The following PLEKHA5 variants were observed in gnomAD, a reference collection of about 807,000 sequenced individuals.
The protein encoded by PLEKHA5 is pleckstrin homology domain-containing family A member 5.
Under a neutral mutation model 181.9 loss-of-function variants are expected in PLEKHA5, and 55 were observed. That is an observed-to-expected ratio of 0.30 (90% CI 0.24 to 0.38). PLEKHA5 has a LOEUF of 0.38. PLEKHA5 is among the 10% of genes least tolerant of loss of function. PLEKHA5 has a pLI of 1.00. For missense variants in PLEKHA5, 1,432 were observed against 1,549.5 expected, an observed-to-expected ratio of 0.92 and a Z score of 1.27; for synonymous variants, 535 against 529.4, an observed-to-expected ratio of 1.01 and a Z score of -0.15.
chr12:19,255,161 G>A lies in PLEKHA5; in HGVS notation c.428G>A (p.Gly143Asp). ...DYAVHPMSPVGRTSRASKKVH... is the reference protein window; with the variant it reads ...DYAVHPMSPVDRTSRASKKVH... The stretch of plus-strand genomic sequence containing the variant: ...GCAGTGCATCCAATGAGCCCTGTAG[G>A]CAGAGTAAGTTATTTTGCTTTATAT... The change falls in exon 5 of 32, where the codon GGC becomes GAC. Residue 143 changes from glycine to aspartate, a missense_variant. Gly to Asp is a moderately conservative substitution (Grantham distance 94, BLOSUM62 -1). Around this residue, in one of 2 missense-constraint regions of PLEKHA5, gnomAD observed 289 missense variants for 381.1 expected, o/e 0.76. Coordinates refer to ENST00000429027, the MANE Select transcript of PLEKHA5 (RefSeq NM_001256470.2). 6.3e-7 allele frequency: 1 copy of A among 1,577,786 alleles called. No individual in the cohort carries two copies.
intron 10 of PLEKHA5, among the ~76,000 whole-genome samples, chr12:19,272,668 T>C (rs550264295): frequency 6.9e-4 from 105 of 152,218 alleles, no homozygotes; most frequent in Middle Eastern, 6.8e-3. Context: ...GCCCAGAAAG[T>C]TGAGGTTGCA....
chr12:19,277,622 A>G (rs879840588), intron 11 of PLEKHA5, among the ~76,000 whole-genome samples: 1 of 152,194 alleles, frequency 6.6e-6, no homozygotes, highest in Non-Finnish European at 1.5e-5. Flanking sequence ...ATAAGAAAAT[A>G]TCATCTACAT....
At chr12:19,155,500 G>A (rs1365209789) in intron 3 of PLEKHA5, among the ~76,000 whole-genome samples, 1 of 152,158 alleles carries the variant, frequency 6.6e-6, no homozygotes, top group African/African-American at 2.4e-5. Flanking sequence ...TTGAGGACCT[G>A]TGAATTTTTA....
chr12:19,291,636 C>G lies in PLEKHA5; in HGVS notation c.1984-8C>G. The G allele has an allele frequency of 6.7e-7, 1 of 1,488,048 alleles. No individual in the cohort carries two copies. Among genetic ancestry groups the G allele is most frequent in the Non-Finnish European group, 9.0e-7 (1 of 1,106,124 alleles). The allele number at this position is 1,488,048 out of a possible 1,614,324, so 92.2% of individuals were successfully genotyped here. ...TCTGTCCCTTTTTTCTTAATTGGTG[C>G]CTACTAGAATGAAATTCTTTCACAT... On this transcript the variant is annotated splice_region_variant and splice_polypyrimidine_tract_variant and intron_variant, in intron 14 of 31. Transcript: ENST00000429027.
chr12:19,155,236 C>T (rs1407056316), intron 3 of PLEKHA5, among the ~76,000 whole-genome samples: 1 of 152,154 alleles, frequency 6.6e-6, no homozygotes, highest in Non-Finnish European at 1.5e-5. Context: ...TTTATAATAT[C>T]AACTGCTTTA....
chr12:19,304,323 T>A (rs2082510505), intron 15 of PLEKHA5, among the ~76,000 whole-genome samples: 1 of 152,194 alleles, frequency 6.6e-6, no homozygotes, highest in African/African-American at 2.4e-5. Context: ...GAGAATCGAT[T>A]GAACCAGGGA....
At chr12:19,215,487 G>A (rs1255816243) in intron 3 of PLEKHA5, among the ~76,000 whole-genome samples, 2 of 152,096 alleles carry the variant, frequency 1.3e-5, no homozygotes, top group South Asian at 2.1e-4. Flanking sequence ...GGTAAGGGGC[G>A]TTGCATATAG....
intron 3 of PLEKHA5, among the ~76,000 whole-genome samples, chr12:19,219,741 A>G (rs1257204983): frequency 1.3e-5 from 2 of 152,038 alleles, no homozygotes; most frequent in Non-Finnish European, 2.9e-5. Context: ...TATTCTCTGT[A>G]CCTAATGTAT....
chr12:19,273,741 G>C (rs1044714904), intron 10 of PLEKHA5, among the ~76,000 whole-genome samples: 1 of 152,178 alleles, frequency 6.6e-6, no homozygotes, highest in Non-Finnish European at 1.5e-5. Context: ...TCAGTGGCCA[G>C]GTGGACATGG....
chr12:19,225,904 G>A (rs963519179), intron 3 of PLEKHA5, among the ~76,000 whole-genome samples: 5 of 152,114 alleles, frequency 3.3e-5, no homozygotes, highest in South Asian at 2.1e-4. Flanking sequence ...AAAATTGTGC[G>A]ATTAAAGCAA....
chr12:19,139,644 C>G (rs552162186), intron 3 of PLEKHA5, among the ~76,000 whole-genome samples: 63 of 152,232 alleles, frequency 4.1e-4, no homozygotes, highest in South Asian at 1.0e-3. Flanking sequence ...AATAATCATG[C>G]AAATATGTAA....
At chr12:19,334,523 T>TA (rs1290067338) in intron 20 of PLEKHA5, among the ~76,000 whole-genome samples, 1 of 152,060 alleles carries the variant, frequency 6.6e-6, no homozygotes, top group Non-Finnish European at 1.5e-5. Context: ...TAGCCTGTAA[T>TA]ACCCTCTTAG....
At chr12:19,246,363 G>C (rs1440661717) in intron 3 of PLEKHA5, among the ~76,000 whole-genome samples, 2 of 151,476 alleles carry the variant, frequency 1.3e-5, no homozygotes. Context: ...GGTGGCTCAC[G>C]CCTGTAATCC....
intron 26 of PLEKHA5, among the ~76,000 whole-genome samples, chr12:19,357,552 G>A (rs987712984): frequency 1.3e-5 from 2 of 151,682 alleles, no homozygotes; most frequent in African/African-American, 2.4e-5. Context: ...AGCCTGCCCT[G>A]CCCTTTTATG....
At chr12:19,229,960 C>T (rs372531121) in intron 3 of PLEKHA5, among the ~76,000 whole-genome samples, 77 of 152,182 alleles carry the variant, frequency 5.1e-4, no homozygotes, top group African/African-American at 1.8e-3. Flanking sequence ...GTTTACAAAC[C>T]TTGAGCTAGA....
chr12:19,327,256 T>TG (rs533387514), intron 20 of PLEKHA5, among the ~76,000 whole-genome samples: 4,611 of 151,088 alleles, frequency 0.031, 116 homozygotes, highest in Non-Finnish European at 0.041. Flanking sequence ...TGTTTTTTTT[T>TG]TTTTTTTTAC....
rs112842087 is a variant in PLEKHA5, at chr12:19,272,987, A to C, written c.846-1529A>C. On this transcript the variant is annotated intron_variant, in intron 10 of 31. Coordinates refer to ENST00000429027, the MANE Select transcript of PLEKHA5 (RefSeq NM_001256470.2). ...AGTGGCACGATCTCAGCTCACTCCAAACTCTGCCTCTCAGGTTCAAGCAAT... is the reference window on the plus strand; with the variant it reads ...AGTGGCACGATCTCAGCTCACTCCACACTCTGCCTCTCAGGTTCAAGCAAT... Among the ~76,000 whole-genome samples the C allele has an allele frequency of 2.6e-3, 400 of 152,188 alleles. 2 individuals carry two copies. The highest frequency in any genetic ancestry group is 9.1e-3 in the African/African-American group (379 of 41,542).
intron 21 of PLEKHA5, among the ~76,000 whole-genome samples, chr12:19,338,776 C>T (rs1480648201): frequency 4.7e-5 from 7 of 149,976 alleles, no homozygotes; most frequent in East Asian, 2.0e-4. Context: ...CCCAGCTACT[C>T]GGGAGGCTGT....
chr12:19,155,860 T>C (rs777488096), intron 3 of PLEKHA5, among the ~76,000 whole-genome samples: 14 of 152,214 alleles, frequency 9.2e-5, no homozygotes, highest in East Asian at 1.9e-4. Context: ...AAATAACTTA[T>C]ATCACTGACT....
Sources: allele counts gnomAD v4.1 joint callset (sites outside exome capture counted in the v4.1 genomes callset), GRCh38; gene constraint gnomAD v4.1.1; regional missense constraint gnomAD v4.1.1; transcripts MANE v1.5; gene names NCBI Gene and HGNC (gene_info 2026-07-23, HGNC 2026-07-21).